The following TG variants were observed in gnomAD, a reference collection of about 807,000 sequenced individuals.
The protein encoded by TG is thyroid hormones.
TG carries 270 observed loss-of-function variants against 324.7 expected under a neutral mutation model. The observed-to-expected ratio is 0.83, with a 90% CI of 0.75 to 0.92. The LOEUF (loss-of-function observed/expected upper bound fraction) is 0.92, where lower values mean the gene tolerates loss of function less well. TG is among the 40% of genes least tolerant of loss of function. TG has a pLI of 0.00. For missense variants in TG, 3,591 were observed against 3,456.4 expected (o/e 1.04, Z -0.98); for synonymous variants, 1,401 against 1,327.0 (o/e 1.06, Z -1.21).
At chr8:132,982,711 G>A (rs1831034511) in intron 34 of TG, among the ~76,000 whole-genome samples, 1 of 152,142 alleles carries the variant, frequency 6.6e-6, no homozygotes, top group South Asian at 2.1e-4. Flanking sequence ...GTTATCTCCT[G>A]TAATTTTGTC....
intron 41 of TG, among the ~76,000 whole-genome samples, chr8:133,064,575 C>T (rs1842810196): frequency 1.3e-5 from 2 of 152,210 alleles, no homozygotes; most frequent in Admixed American, 1.3e-4. Flanking sequence ...TGCTGTCTCT[C>T]CAGCGTAAGG....
At chr8:133,033,792 C>T (rs1203600244) in intron 41 of TG, among the ~76,000 whole-genome samples, 2 of 152,250 alleles carry the variant, frequency 1.3e-5, no homozygotes, top group Non-Finnish European at 2.9e-5. Context: ...GAAAGAATCT[C>T]ACCTTAGTGA....
At chr8:132,872,794 T>C (rs1182098940) in intron 4 of TG, among the ~76,000 whole-genome samples, 1 of 152,196 alleles carries the variant, frequency 6.6e-6, no homozygotes, top group African/African-American at 2.4e-5. Context: ...GTCTTACAAT[T>C]GCCTACAGTA....
chr8:132,948,907 G>A lies in TG; in HGVS notation c.5365G>A (p.Val1789Met). The A allele has an allele frequency of 6.2e-7, 1 of 1,613,992 alleles. No individual in the cohort carries two copies. Among genetic ancestry groups the A allele is most frequent in the East Asian group, 2.2e-5 (1 of 44,872 alleles). Residue 1789 changes from valine (V) to methionine (M), a missense_variant, in exon 27 of 48, where the codon GTG (valine) becomes ATG (methionine). Physicochemically the swap from Val to Met is conservative, Grantham distance 21. Transcript: ENST00000220616. Reference sequence around the variant, plus strand: ...GACATATGACCAGGAGAGCCACCAGGTGATATTGCGTCTTGGAGACCAGGA... The same window carrying A: ...GACATATGACCAGGAGAGCCACCAGATGATATTGCGTCTTGGAGACCAGGA... ...GVTYDQESHQ[V>M]ILRLGDQEFI...
At chr8:133,041,275 G>A (rs1380849182) in intron 41 of TG, among the ~76,000 whole-genome samples, 4 of 152,336 alleles carry the variant, frequency 2.6e-5, no homozygotes, top group Non-Finnish European at 2.9e-5. Context: ...ACTTCCCATC[G>A]GGTTTATGGA....
chr8:133,021,959 A>C, intron 39 of TG, 32 bp from the exon 40 acceptor site: 1 of 1,613,706 alleles, frequency 6.2e-7, no homozygotes, highest in Non-Finnish European at 8.5e-7. Context: ...CCCTCCCCAC[A>C]CTTTAGCCTC....
chr8:132,888,998 C>A (rs1216558585), intron 10 of TG, among the ~76,000 whole-genome samples: 1 of 152,188 alleles, frequency 6.6e-6, no homozygotes, highest in East Asian at 1.9e-4. Flanking sequence ...CTGCTACTTG[C>A]ACAGAATGCT....
chr8:133,002,804 A>C (rs1833658854), intron 35 of TG: 2 of 228,172 alleles, frequency 8.8e-6, no homozygotes, highest in African/African-American at 2.3e-5. Flanking sequence ...TAATGTGCTC[A>C]ATACCCACAT....
intron 41 of TG, among the ~76,000 whole-genome samples, chr8:133,061,967 T>C (rs1842427582): frequency 6.6e-6 from 1 of 152,148 alleles, no homozygotes; most frequent in African/African-American, 2.4e-5. Flanking sequence ...TCTTAGACAT[T>C]TACATGAACA....
chr8:132,888,712 A>G, intron 10 of TG, 144 bp downstream of exon 10: 1 of 891,086 alleles, frequency 1.1e-6, no homozygotes, highest in Non-Finnish European at 1.6e-6. Flanking sequence ...TGAGAAAACG[A>G]AGGCTCACAG....
At chr8:133,069,512 C>G (rs972856823) in intron 41 of TG, among the ~76,000 whole-genome samples, 1 of 151,734 alleles carries the variant, frequency 6.6e-6, no homozygotes. Flanking sequence ...AGCTCCTGTT[C>G]CCTCCTTAGC....
At chr8:133,129,874 C>T (rs1231174976) in intron 45 of TG, among the ~76,000 whole-genome samples, 1 of 152,146 alleles carries the variant, frequency 6.6e-6, no homozygotes, top group Non-Finnish European at 1.5e-5. Flanking sequence ...TCCACCTATA[C>T]ACTTAACAGC....
chr8:133,051,357 C>CA (rs1840370298), intron 41 of TG, among the ~76,000 whole-genome samples: 2 of 152,202 alleles, frequency 1.3e-5, no homozygotes, highest in Non-Finnish European at 1.5e-5. Context: ...CCCCCCTTCT[C>CA]ACTACCAATG....
chr8:132,987,882 C>CCTTCT (rs1358005256), intron 35 of TG, among the ~76,000 whole-genome samples: 1 of 152,100 alleles, frequency 6.6e-6, no homozygotes, highest in East Asian at 1.9e-4. Context: ...GTGTTAGAAA[C>CCTTCT]CTTCTCTAGA....
chr8:132,899,829 T>C (rs1817660993), intron 14 of TG, among the ~76,000 whole-genome samples: 1 of 152,184 alleles, frequency 6.6e-6, no homozygotes, highest in South Asian at 2.1e-4. Context: ...CCAGTTCCTG[T>C]GGAGGACTCT....
chr8:132,984,477 G>A (rs1173833409), intron 35 of TG, among the ~76,000 whole-genome samples: 4 of 152,180 alleles, frequency 2.6e-5, no homozygotes, highest in South Asian at 4.1e-4. Context: ...GGTTGGCATC[G>A]TTATTGCCAT....
chr8:133,058,450 A>G (rs1316663698), intron 41 of TG, among the ~76,000 whole-genome samples: 1 of 152,238 alleles, frequency 6.6e-6, no homozygotes, highest in Non-Finnish European at 1.5e-5. Flanking sequence ...AGTTGAAGGC[A>G]AATGAGCAAG....
chr8:132,923,165 A>G (rs1231954188), intron 21 of TG, among the ~76,000 whole-genome samples, 173 bp from the exon 22 acceptor site: 1 of 152,162 alleles, frequency 6.6e-6, no homozygotes, highest in Non-Finnish European at 1.5e-5. Flanking sequence ...GTGGCGGCCA[A>G]ATCACAGGGG....
At chr8:133,127,398 T>C (rs1851602448) in intron 45 of TG, among the ~76,000 whole-genome samples, 1 of 152,152 alleles carries the variant, frequency 6.6e-6, no homozygotes, top group Non-Finnish European at 1.5e-5. Flanking sequence ...ACCAGCAGGA[T>C]TAATGATGAG....
Sources: gnomAD v4.1 joint callset for allele counts (sites outside exome capture counted in the v4.1 genomes callset) on GRCh38, gnomAD v4.1.1 for gene constraint, MANE v1.5 for transcripts, NCBI Gene and HGNC (gene_info 2026-07-23, HGNC 2026-07-21) for gene names.